The following AGAP1 variants were observed in gnomAD, a reference collection of about 807,000 sequenced individuals.
AGAP1 encodes arf-GAP with GTPase, ANK repeat and PH domain-containing protein 1.
Under a neutral mutation model 105.3 loss-of-function variants are expected in AGAP1, and 29 were observed. The observed-to-expected ratio is 0.28, with a 90% CI of 0.21 to 0.38. The LOEUF (loss-of-function observed/expected upper bound fraction) is 0.38, where lower values mean the gene tolerates loss of function less well. Among genes scored for constraint, AGAP1 ranks in the 10% least tolerant of loss-of-function variants. The pLI is 1.00. For synonymous variants in AGAP1, 509 were observed against 485.9 expected (o/e 1.05, Z -0.63); for missense variants, 998 against 1,165.1 (o/e 0.86, Z 2.09).
Position 236,109,966 on chromosome 2 carries a change from A to G in AGAP1, c.2115-10226A>G, listed in dbSNP as rs1465109387. Among the ~76,000 whole-genome samples the G allele has an allele frequency of 6.6e-6, 1 of 152,110 alleles. No individual in the cohort carries two copies. The highest frequency in any genetic ancestry group is 1.9e-4 in the East Asian group (1 of 5,160). ...AGAAAATGATGCTGTGGATCCACCT[A>G]GACTCTCAAAGCCCAGAGAGTCTGG... On this transcript the variant is annotated intron_variant, in intron 16 of 17. Transcript: ENST00000304032. This position sits in a 1 kb window ranked among gnomAD's most constrained non-coding sequence, Gnocchi z 5.4.
At chr2:235,868,290 A>G (rs745708024) in intron 9 of AGAP1, among the ~76,000 whole-genome samples, 2 of 152,120 alleles carry the variant, frequency 1.3e-5, no homozygotes, top group African/African-American at 2.4e-5. Context: ...TTAGGAAACT[A>G]TTAGTGCTCC....
At chr2:236,021,903 A>G (rs1160199904) in intron 13 of AGAP1, among the ~76,000 whole-genome samples, 2 of 151,972 alleles carry the variant, frequency 1.3e-5, no homozygotes, top group Admixed American at 1.3e-4. Flanking sequence ...TACAAAAAAT[A>G]CAAAAATTAG....
intron 12 of AGAP1, among the ~76,000 whole-genome samples, chr2:235,948,056 G>A (rs965353972): frequency 6.6e-6 from 1 of 152,228 alleles, no homozygotes; most frequent in Non-Finnish European, 1.5e-5. Context: ...CATGAAGGCC[G>A]TGTGAATGAA....
In AGAP1 at chr2:235,777,076, A is replaced by T. The variant is rs1207672181; in HGVS notation, c.674-20683A>T. The T allele has an allele frequency of 6.4e-6, 3 of 470,958 alleles. No homozygotes were observed. The highest frequency in any genetic ancestry group is 1.3e-5 in the Non-Finnish European group (3 of 227,044). The allele number at this position is 470,958 out of a possible 1,614,324, so 29.2% of individuals were successfully genotyped here. A position where few individuals can be genotyped will look rare whatever the true frequency, so the allele number is the denominator to read the frequency against. ...AACGAGGAAGTATTAGACAGAAGTGATGCTGGGCGCGGTGGCTCATGCCTG... is the reference window on the plus strand; with the variant it reads ...AACGAGGAAGTATTAGACAGAAGTGTTGCTGGGCGCGGTGGCTCATGCCTG... On this transcript the variant is annotated intron_variant, in intron 6 of 17. Coordinates refer to ENST00000304032, the MANE Select transcript of AGAP1 (RefSeq NM_001037131.3). This position sits in a 1 kb window ranked among gnomAD's most constrained non-coding sequence, Gnocchi z 5.1.
chr2:236,086,307 ACTCT>A (rs1434301191), intron 16 of AGAP1, among the ~76,000 whole-genome samples: 2 of 152,220 alleles, frequency 1.3e-5, no homozygotes, highest in South Asian at 4.2e-4. Flanking sequence ...GCGAGACATA[ACTCT>A]CTGTCTTCTT....
In AGAP1 at chr2:235,907,000, A is replaced by C. The variant is rs1009397896; in HGVS notation, c.1156-1738A>C. On this transcript the variant is annotated intron_variant, in intron 10 of 17. Coordinates refer to ENST00000304032, the MANE Select transcript of AGAP1 (RefSeq NM_001037131.3). This position sits in a 1 kb window ranked among gnomAD's most constrained non-coding sequence, Gnocchi z 5.3. Reference sequence around the variant, plus strand: ...CACTCCACTCCAGCCTGGGCAACAGAGTGAGACTCTTGTCTCAAAAAACAA... The same window carrying C: ...CACTCCACTCCAGCCTGGGCAACAGCGTGAGACTCTTGTCTCAAAAAACAA... 7.2e-5 allele frequency among the ~76,000 whole-genome samples: 11 copies of C among 152,128 alleles called. No individual in the cohort carries two copies. The highest frequency in any genetic ancestry group is 2.4e-5 in the African/African-American group (1 of 41,420).
chr2:235,745,619 T>G (rs1952867519), intron 5 of AGAP1, among the ~76,000 whole-genome samples: 1 of 152,230 alleles, frequency 6.6e-6, no homozygotes, highest in African/African-American at 2.4e-5. Context: ...ATCCCTTCAT[T>G]TTTGTTGTGG....
chr2:235,848,711 C>T (rs892236680), intron 9 of AGAP1, among the ~76,000 whole-genome samples: 3 of 152,166 alleles, frequency 2.0e-5, no homozygotes, highest in African/African-American at 7.2e-5. Context: ...AGATGATTTT[C>T]CTCGTCCTTT....
chr2:235,735,018 G>A (rs1178275208), intron 3 of AGAP1, among the ~76,000 whole-genome samples: 2 of 121,314 alleles, frequency 1.6e-5, no homozygotes, highest in Admixed American at 7.6e-5. Context: ...GTATCCTGCC[G>A]CGCACTGGCC....
intron 2 of AGAP1, among the ~76,000 whole-genome samples, chr2:235,710,939 C>T (rs957543328): frequency 1.3e-5 from 2 of 152,138 alleles, no homozygotes; most frequent in African/African-American, 2.4e-5. Flanking sequence ...TGACAAGTGC[C>T]CCATGGGGAG....
intron 2 of AGAP1, among the ~76,000 whole-genome samples, chr2:235,713,539 A>G (rs771505785): frequency 2.6e-5 from 4 of 152,256 alleles, no homozygotes; most frequent in Non-Finnish European, 4.4e-5. Flanking sequence ...GAACAAGGCA[A>G]ATGAGACAAG....
rs192833243 is a variant in AGAP1, at chr2:235,534,781, C to T, written c.163+39932C>T. The stretch of plus-strand genomic sequence containing the variant: ...ATGGGGAAATTCAAAGGCAGCCATC[C>T]GTGGAAGAGCCAACGGCAGCCCGTG... On this transcript the variant is annotated intron_variant, in intron 1 of 17. Transcript: ENST00000304032. Among the ~76,000 whole-genome samples, 413 of 152,238 alleles carry T rather than the reference C, an allele frequency of 2.7e-3. 3 individuals carry two copies. The highest frequency in any genetic ancestry group is 9.7e-3 in the African/African-American group (401 of 41,536).
chr2:235,642,649 T>A lies in AGAP1; in HGVS notation c.164-66530T>A, dbSNP rs1210754219. Among the ~76,000 whole-genome samples the A allele has an allele frequency of 6.6e-6, 1 of 152,188 alleles. No individual in the cohort carries two copies. The highest frequency in any genetic ancestry group is 1.5e-5 in the Non-Finnish European group (1 of 68,040). Reference sequence around the variant, plus strand: ...TCCGCTCTCCACACCAGCTTGGGGATGAATCAGCGGGTGCTCTGACCACTA... The same window carrying A: ...TCCGCTCTCCACACCAGCTTGGGGAAGAATCAGCGGGTGCTCTGACCACTA... On this transcript the variant is annotated intron_variant, in intron 1 of 17. Coordinates refer to ENST00000304032, the MANE Select transcript of AGAP1 (RefSeq NM_001037131.3). The surrounding 1 kb of genome is among the most constrained non-coding windows in gnomAD (Gnocchi z 4.1).
Position 235,908,909 on chromosome 2 carries a change from A to G in AGAP1, c.1324+3A>G, listed in dbSNP as rs2051438270. The G allele has an allele frequency of 1.6e-5, 26 of 1,609,358 alleles. No individual in the cohort carries two copies. The highest frequency in any genetic ancestry group is 2.2e-5 in the Non-Finnish European group (26 of 1,176,652). ...TTTACACATCTCACCCAATTCAGGT[A>G]AGCTTACAGCAAATGCACTAACAAA... On this transcript the variant is annotated splice_donor_region_variant and intron_variant, in intron 11 of 17. Coordinates refer to ENST00000304032, the MANE Select transcript of AGAP1 (RefSeq NM_001037131.3). The surrounding 1 kb of genome is among the most constrained non-coding windows in gnomAD (Gnocchi z 4.4).
At position 236,098,620 on chromosome 2, in the gene AGAP1, C is replaced by CTTTTTTTTTTTTTTTT. The variant is rs34419216; in HGVS notation, c.2115-21568_2115-21553dup. Among the ~76,000 whole-genome samples, 50 of 115,232 alleles carry CTTTTTTTTTTTTTTTT rather than the reference C, an allele frequency of 4.3e-4. 4 individuals carry two copies. Among genetic ancestry groups the CTTTTTTTTTTTTTTTT allele is most frequent in the African/African-American group, 1.6e-3 (41 of 25,784 alleles). The allele number at this position is 115,232 out of a possible 152,430, so 75.6% of individuals were successfully genotyped here. A position where few individuals can be genotyped will look rare whatever the true frequency, so the allele number is the denominator to read the frequency against. On this transcript the variant is annotated intron_variant, in intron 16 of 17. Transcript: ENST00000304032. Reference sequence around the variant, plus strand: ...GCTGACTTGATGAAATCTTTTTTTCCTTTTTTTTTTTTTTTTTTTAGAGAA... The same window carrying CTTTTTTTTTTTTTTTT: ...GCTGACTTGATGAAATCTTTTTTTCCTTTTTTTTTTTTTTTTTTTTTTTTTTTTTTTTTTTAGAGAA...
chr2:236,122,189 A>T (rs144111028), intron 17 of AGAP1, among the ~76,000 whole-genome samples: 23 of 152,174 alleles, frequency 1.5e-4, no homozygotes, highest in African/African-American at 5.3e-4. Context: ...GCCTTTAAGC[A>T]GTCCTCTCAC....
At chr2:235,987,282 T>G (rs886512959) in intron 13 of AGAP1, among the ~76,000 whole-genome samples, 2 of 152,070 alleles carry the variant, frequency 1.3e-5, no homozygotes, top group African/African-American at 4.8e-5. Flanking sequence ...TCTAGTTTAT[T>G]TGCATAGAGG....
At chr2:235,756,789 G>C (rs1250647237) in intron 6 of AGAP1, among the ~76,000 whole-genome samples, 1 of 152,132 alleles carries the variant, frequency 6.6e-6, no homozygotes, top group Non-Finnish European at 1.5e-5. Flanking sequence ...TGAGATCTAG[G>C]TTACGCATTC....
At chr2:235,653,644 T>C (rs1305184818) in intron 1 of AGAP1, among the ~76,000 whole-genome samples, 1 of 152,128 alleles carries the variant, frequency 6.6e-6, no homozygotes, top group Non-Finnish European at 1.5e-5. Flanking sequence ...AAATGGTCAG[T>C]TTGAGTAAAC....
Sources: gnomAD v4.1 joint callset for allele counts (sites outside exome capture counted in the v4.1 genomes callset) on GRCh38, gnomAD v4.1.1 for gene constraint, Gnocchi (gnomAD v3.1) non-coding constraint, MANE v1.5 for transcripts, NCBI Gene and HGNC (gene_info 2026-07-23, HGNC 2026-07-21) for gene names.